ZNF333: variants seen among roughly 807,000 people sequenced by gnomAD.
ZNF333 encodes zinc finger protein 333.
Under a neutral mutation model 76.1 loss-of-function variants are expected in ZNF333, and 61 were observed. The ratio of observed to expected loss-of-function variants is 0.80; its 90% confidence interval spans 0.65 to 0.99. The LOEUF is 0.99. Ranked by LOEUF, ZNF333 falls within the 50% of genes least tolerant of loss-of-function variation. ZNF333 has a pLI of 0.00. For synonymous variants in ZNF333, 284 were observed against 305.0 expected (o/e 0.93, Z 0.72); for missense variants, 717 against 822.4 (o/e 0.87, Z 1.57).
At chr19:14,691,110 CA>C (rs1972738059) in intron 1 of ZNF333, among the ~76,000 whole-genome samples, 1 of 152,076 alleles carries the variant, frequency 6.6e-6, no homozygotes, top group Admixed American at 6.6e-5. Context: ...AAAACAACAA[CA>C]AAAGGAGGAG....
At position 14,728,142 on chromosome 19, in the gene ZNF333, A is replaced by C. The variant is rs868704984; in HGVS notation, c.901-3033A>C. Among the ~76,000 whole-genome samples, 42 of 152,294 alleles carry C rather than the reference A, an allele frequency of 2.8e-4. No individual in the cohort carries two copies. The Middle Eastern group carries it at 0.02, about 74-fold the overall frequency. On this transcript the variant is annotated intron_variant, in intron 11 of 11. Coordinates refer to the ZNF333 transcript ENST00000540689. ...GCAGGAGAATGGCGTGAGCCTGGGAAGCGGAGCTTGCAGTGAGCCGAGATT... is the reference window on the plus strand; with the variant it reads ...GCAGGAGAATGGCGTGAGCCTGGGACGCGGAGCTTGCAGTGAGCCGAGATT...
Position 14,719,142 on chromosome 19 carries a change from T to A in ZNF333, c.1815T>A (p.Leu605=), listed in dbSNP as rs150293055. ...GAGCCTTTGGTCAGTCTTCACATCT[T>A]ATTGTACATGTGAGAACACACAGTG... The part of the protein sequence containing the change: ...CGRAFGQSSH[L]IVHVRTHSAG... Residue 605 remains leucine, a synonymous_variant, in exon 12 of 12, where the codon CTT becomes CTA. Transcript: ENST00000292530. 2.8e-5 allele frequency: 46 copies of A among 1,614,042 alleles called. No individual in the cohort carries two copies. In the African/African-American group the frequency reaches 5.5e-4, roughly 19 times the overall value.
chr19:14,712,570 G>A (rs1254123251), intron 7 of ZNF333, among the ~76,000 whole-genome samples: 1 of 152,046 alleles, frequency 6.6e-6, no homozygotes, highest in African/African-American at 2.4e-5. Flanking sequence ...GATACCAAAA[G>A]TCCGAAATTA....
At chr19:14,693,557 G>A (rs1055685143) in intron 2 of ZNF333, 63 bp downstream of exon 2, 1 of 1,538,784 alleles carries the variant, frequency 6.5e-7, no homozygotes, top group Non-Finnish European at 8.8e-7. Flanking sequence ...ATGTCCTCTG[G>A]GCCCTGTCTT....
chr19:14,707,550 T>TC (rs2042148172), intron 7 of ZNF333, among the ~76,000 whole-genome samples: 1 of 52,078 alleles, frequency 1.9e-5, no homozygotes, highest in Admixed American at 2.2e-4. Flanking sequence ...GCTTTGTTTC[T>TC]TTTTTTTTTT....
In ZNF333 at chr19:14,695,470, A is replaced by C. The variant is rs973891243; in HGVS notation, c.128-96A>C. ...TCAGCCCAGAGAATCTGAAGCCCAT[A>C]TTGAAGCTGAAGGAGAGTTTGAGTT... On this transcript the variant is annotated intron_variant, in intron 3 of 11. Transcript: ENST00000292530. 2.4e-5 allele frequency: 29 copies of C among 1,185,322 alleles called. 1 individual carries two copies. The South Asian group carries it at 3.6e-4, about 15-fold the overall frequency. The allele number at this position is 1,185,322 out of a possible 1,614,324, so 73.4% of individuals were successfully genotyped here.
rs746926319 is a variant in ZNF333, at chr19:14,706,677, T to C, written c.424-9T>C. 2 of 1,612,942 alleles carry C rather than the reference T, an allele frequency of 1.2e-6. No homozygotes were observed. The highest frequency in any genetic ancestry group is 1.7e-6 in the Non-Finnish European group (2 of 1,179,030). Reference sequence around the variant, plus strand: ...GACTCTAATCTGTGACCCCTGTCACTCTGTCCAGGGACTGAAGGCCGCTAT... The same window carrying C: ...GACTCTAATCTGTGACCCCTGTCACCCTGTCCAGGGACTGAAGGCCGCTAT... On this transcript the variant is annotated splice_polypyrimidine_tract_variant and intron_variant, in intron 6 of 11. Transcript: ENST00000292530.
intron 1 of ZNF333, among the ~76,000 whole-genome samples, chr19:14,691,761 C>T (rs1255387660): frequency 6.7e-6 from 1 of 148,940 alleles, no homozygotes; most frequent in African/African-American, 2.5e-5. Flanking sequence ...ACTGCAGCTT[C>T]TGCCTCCTGG....
At chr19:14,712,451 C>T (rs1176373209) in intron 7 of ZNF333, among the ~76,000 whole-genome samples, 1 of 152,106 alleles carries the variant, frequency 6.6e-6, no homozygotes, top group Non-Finnish European at 1.5e-5. Flanking sequence ...AACTCCTGAC[C>T]TCAAATGATA....
chr19:14,718,149 C>G (rs1250772165), intron 11 of ZNF333, 79 bp from the exon 12 acceptor site: 4 of 1,517,432 alleles, frequency 2.6e-6, no homozygotes, highest in Non-Finnish European at 3.5e-6. Flanking sequence ...CTGTCTTTTT[C>G]TTACATTCAT....
intron 5 of ZNF333, 74 bp downstream of exon 5, chr19:14,699,355 C>T: frequency 7.6e-7 from 1 of 1,319,166 alleles, no homozygotes; most frequent in Non-Finnish European, 1.1e-6. Flanking sequence ...AAATACAGGA[C>T]CAGAGCCAGG....
In ZNF333 at chr19:14,707,676, C is replaced by A. The variant is rs562246832; in HGVS notation, c.511+903C>A. On this transcript the variant is annotated intron_variant, in intron 7 of 11. Transcript: ENST00000292530. The stretch of plus-strand genomic sequence containing the variant: ...ATGCCATTCTCCTGCCTCAGCCTCC[C>A]GAGTAGCTGGGATTACAGGCGCCCA... Among the ~76,000 whole-genome samples, 53 of 151,008 alleles carry A rather than the reference C, an allele frequency of 3.5e-4. 1 individual carries two copies. In the South Asian group the frequency reaches 0.011, roughly 31 times the overall value.
chr19:14,727,233 C>T (rs75489422), intron 11 of ZNF333, among the ~76,000 whole-genome samples: 1,586 of 152,054 alleles, frequency 0.01, 23 homozygotes, highest in East Asian at 0.071. Context: ...TTTCACCGTG[C>T]TAGCCAGGAT....
intron 11 of ZNF333, among the ~76,000 whole-genome samples, chr19:14,729,815 A>G (rs1009159536): frequency 1.3e-5 from 2 of 152,328 alleles, no homozygotes; most frequent in South Asian, 2.1e-4. Context: ...GCATACATTA[A>G]TTTGCTAGAT....
At chr19:14,717,945 AGATAT>A (rs1375772037) in intron 11 of ZNF333, among the ~76,000 whole-genome samples, 1 of 152,266 alleles carries the variant, frequency 6.6e-6, no homozygotes. Context: ...GCATTTTCAC[AGATAT>A]GACACATACA....
intron 7 of ZNF333, chr19:14,708,313 T>C (rs1046407448): frequency 6.0e-5 from 24 of 401,088 alleles, no homozygotes; most frequent in African/African-American, 4.1e-4. Context: ...TGACCTATTT[T>C]GTTACTTCTT....
chr19:14,700,015 G>T (rs3850142), intron 5 of ZNF333, among the ~76,000 whole-genome samples: 109,274 of 151,668 alleles, frequency 0.72, 40,900 homozygotes, highest in African/African-American at 0.92. Context: ...TCTTTTTTTG[G>T]TTTTTAAAAG....
chr19:14,717,636 T>C (rs769378184), intron 10 of ZNF333, 21 bp from the exon 11 acceptor site: 3 of 1,610,254 alleles, frequency 1.9e-6, no homozygotes, highest in African/African-American at 1.3e-5. Context: ...GCTTAACTTT[T>C]TCTTCCCTAA....
At position 14,700,937 on chromosome 19, in the gene ZNF333, A is replaced by G. The variant is rs370764462; in HGVS notation, c.306+1656A>G. On this transcript the variant is annotated intron_variant, in intron 5 of 11. Transcript: ENST00000292530. ...TCTTTGCCAGGGAAGCTTCTGGAAC[A>G]CAGAGAAGCCTCAACCCTGTGCAGC... Among the ~76,000 whole-genome samples the G allele has an allele frequency of 5.9e-5, 9 of 152,320 alleles. No individual in the cohort carries two copies. The East Asian group carries it at 1.7e-3, about 29-fold the overall frequency.
Sources: allele counts gnomAD v4.1 joint callset (sites outside exome capture counted in the v4.1 genomes callset), GRCh38; gene constraint gnomAD v4.1.1; transcripts MANE v1.5; gene names NCBI Gene and HGNC (gene_info 2026-07-23, HGNC 2026-07-21).